The following PIK3C3 variants were observed in gnomAD, a reference collection of about 807,000 sequenced individuals.
The protein encoded by PIK3C3 is PI3-kinase type 3.
Under a neutral mutation model 126.1 loss-of-function variants are expected in PIK3C3, and 95 were observed. That is an observed-to-expected ratio of 0.75 (90% confidence interval 0.64 to 0.89). The LOEUF (loss-of-function observed/expected upper bound fraction) is 0.89, where lower values mean the gene tolerates loss of function less well. PIK3C3 is among the 40% of genes least tolerant of loss of function. The pLI, the probability that PIK3C3 is intolerant of heterozygous loss-of-function variation, is 0.00. For synonymous variants in PIK3C3, 374 were observed against 360.0 expected (o/e 1.04, Z -0.44); for missense variants, 829 against 1,063.2 (o/e 0.78, Z 3.06).
At chr18:42,015,971 G>A (rs1433752702) in intron 12 of PIK3C3, among the ~76,000 whole-genome samples, 1 of 152,098 alleles carries the variant, frequency 6.6e-6, no homozygotes, top group Non-Finnish European at 1.5e-5. Context: ...ATACATATAA[G>A]TAGACACATT....
chr18:42,001,128 C>G (rs896798374), intron 9 of PIK3C3, among the ~76,000 whole-genome samples: 1 of 152,144 alleles, frequency 6.6e-6, no homozygotes, highest in African/African-American at 2.4e-5. Flanking sequence ...TAGGAGACAA[C>G]TGGTGATTTT....
At chr18:42,065,872 G>A (rs1043000985) in intron 23 of PIK3C3, among the ~76,000 whole-genome samples, 3 of 152,014 alleles carry the variant, frequency 2.0e-5, no homozygotes, top group Non-Finnish European at 2.9e-5. Context: ...TTAACCCTTT[G>A]GTATAAAAGA....
At chr18:41,959,719 A>G (rs1979982591) in intron 2 of PIK3C3, among the ~76,000 whole-genome samples, 1 of 152,072 alleles carries the variant, frequency 6.6e-6, no homozygotes, top group Admixed American at 6.5e-5. Context: ...GCCGGAACCC[A>G]GGAGGCAGAG....
At chr18:41,994,932 G>T (rs1443215401) in intron 7 of PIK3C3, among the ~76,000 whole-genome samples, 1 of 152,056 alleles carries the variant, frequency 6.6e-6, no homozygotes, top group African/African-American at 2.4e-5. Context: ...CAGCTACTTG[G>T]GAGGTTGAGG....
At chr18:41,966,353 A>T (rs905046553) in intron 3 of PIK3C3, among the ~76,000 whole-genome samples, 1 of 151,742 alleles carries the variant, frequency 6.6e-6, no homozygotes, top group African/African-American at 2.4e-5. Context: ...TATTTTTAGT[A>T]TAGGCGGGGT....
At position 42,034,710 on chromosome 18, in the gene PIK3C3, G is replaced by A. The variant is rs150233325; in HGVS notation, c.1839+753G>A. 9.3e-4 allele frequency among the ~76,000 whole-genome samples: 141 copies of A among 152,218 alleles called. 1 individual carries two copies. The East Asian group carries it at 0.013, about 14-fold the overall frequency. ...AAGGCCAGAGCATCATTATCTGTCA[G>A]CATCATACTGAAAGATCTTTGTGAG... On this transcript the variant is annotated intron_variant, in intron 16 of 24. Transcript: ENST00000262039.
intron 21 of PIK3C3, among the ~76,000 whole-genome samples, chr18:42,057,216 A>T (rs2144504283): frequency 6.6e-6 from 1 of 152,198 alleles, no homozygotes; most frequent in South Asian, 2.1e-4. Context: ...TAGGTGGTAT[A>T]TTATTACAAC....
chr18:42,065,678 AC>A (rs1243432208), intron 23 of PIK3C3, among the ~76,000 whole-genome samples: 2 of 152,198 alleles, frequency 1.3e-5, no homozygotes, highest in Admixed American at 6.5e-5. Flanking sequence ...GTAAAGGACT[AC>A]CTCAATAGAT....
intron 24 of PIK3C3, among the ~76,000 whole-genome samples, chr18:42,071,604 C>T (rs1985775324): frequency 6.6e-6 from 1 of 151,680 alleles, no homozygotes; most frequent in Admixed American, 6.6e-5. Flanking sequence ...CCTGTAATCC[C>T]AGCTAGTCGG....
At chr18:42,020,960 T>G (rs957815629) in intron 13 of PIK3C3, among the ~76,000 whole-genome samples, 3 of 152,218 alleles carry the variant, frequency 2.0e-5, no homozygotes, top group South Asian at 2.1e-4. Context: ...ATGGGTACTT[T>G]CAGTTTAATA....
intron 17 of PIK3C3, 85 bp downstream of exon 17, chr18:42,037,905 A>G (rs1984128770): frequency 4.1e-6 from 5 of 1,211,118 alleles, no homozygotes; most frequent in African/African-American, 3.0e-5. Context: ...ATGGAACAGA[A>G]GTATTTGTAA....
intron 24 of PIK3C3, among the ~76,000 whole-genome samples, chr18:42,068,203 T>G (rs566541148): frequency 1.4e-3 from 206 of 152,330 alleles, no homozygotes; most frequent in Non-Finnish European, 1.7e-3. Context: ...CACCAAGCCG[T>G]GTTTGTTTCT....
At position 42,073,575 on chromosome 18, in the gene PIK3C3, C is replaced by T. The variant is rs1394408154; in HGVS notation, c.2649+6062C>T. Among the ~76,000 whole-genome samples the T allele has an allele frequency of 5.3e-5, 8 of 152,242 alleles. No individual in the cohort carries two copies. The South Asian group carries it at 8.3e-4, about 16-fold the overall frequency. On this transcript the variant is annotated intron_variant, in intron 24 of 24. Coordinates refer to ENST00000262039, the MANE Select transcript of PIK3C3 (RefSeq NM_002647.4). ...AATTCTGAGTGTTTGGTATTTATAT[C>T]ACAGTTTCTAAGTGCAAACCAGTTG...
At chr18:41,967,931 C>T (rs1980454727) in intron 3 of PIK3C3, among the ~76,000 whole-genome samples, 1 of 152,198 alleles carries the variant, frequency 6.6e-6, no homozygotes, top group Admixed American at 6.5e-5. Flanking sequence ...TGTTTCTTCT[C>T]TCTCGCCTGT....
In PIK3C3 at chr18:41,981,141, C is replaced by A. The variant is rs139075255; in HGVS notation, c.532-6671C>A. ...CGCCATTGAATTGTGTTATAACAAG[C>A]GTTTGGGAATATCTCGTAAATTTAT... On this transcript the variant is annotated intron_variant, in intron 4 of 24. Coordinates refer to ENST00000262039, the MANE Select transcript of PIK3C3 (RefSeq NM_002647.4). Among the ~76,000 whole-genome samples the A allele has an allele frequency of 3.9e-5, 6 of 152,082 alleles. No individual in the cohort carries two copies. In the East Asian group the frequency reaches 1.2e-3, roughly 29 times the overall value.
intron 9 of PIK3C3, among the ~76,000 whole-genome samples, chr18:42,000,530 C>T (rs1399356938): frequency 6.6e-6 from 1 of 152,130 alleles, no homozygotes; most frequent in African/African-American, 2.4e-5. Flanking sequence ...GGGGTTAGGC[C>T]TGAACCTGAT....
intron 9 of PIK3C3, among the ~76,000 whole-genome samples, chr18:42,000,285 C>T (rs1268676632): frequency 6.6e-6 from 1 of 152,152 alleles, no homozygotes; most frequent in African/African-American, 2.4e-5. Context: ...CTACTGGCCT[C>T]AGGTGATCAA....
intron 15 of PIK3C3, among the ~76,000 whole-genome samples, chr18:42,030,448 A>G (rs1567991436): frequency 6.6e-6 from 1 of 152,160 alleles, no homozygotes; most frequent in Non-Finnish European, 1.5e-5. Flanking sequence ...CCTTTGTAAA[A>G]CAACACATTT....
At chr18:42,078,792 T>C (rs1329831162) in intron 24 of PIK3C3, among the ~76,000 whole-genome samples, 1 of 152,248 alleles carries the variant, frequency 6.6e-6, no homozygotes, top group African/African-American at 2.4e-5. Flanking sequence ...TTCTATGTTA[T>C]GGAGATAGCT....
Sources: allele counts gnomAD v4.1 joint callset (sites outside exome capture counted in the v4.1 genomes callset), GRCh38; gene constraint gnomAD v4.1.1; transcripts MANE v1.5; gene names NCBI Gene and HGNC (gene_info 2026-07-23, HGNC 2026-07-21).